RGS8: variants seen among roughly 807,000 people sequenced by gnomAD.
The protein encoded by RGS8 is regulator of G-protein signaling 8.
Under a neutral mutation model 21.7 loss-of-function variants are expected in RGS8, and 8 were observed. The observed-to-expected ratio is 0.37, with a 90% confidence interval of 0.22 to 0.66. The LOEUF (loss-of-function observed/expected upper bound fraction) is 0.66, where lower values mean the gene tolerates loss of function less well. RGS8 is among the 30% of genes least tolerant of loss of function. The pLI is 0.59. For missense variants in RGS8, 157 were observed against 217.9 expected (o/e 0.72, Z 1.76); for synonymous variants, 80 against 83.6 (o/e 0.96, Z 0.24).
At chr1:182,681,168 G>A (rs1664523850) in intron 1 of RGS8, among the ~76,000 whole-genome samples, 2 of 152,198 alleles carry the variant, frequency 1.3e-5, no homozygotes, top group African/African-American at 4.8e-5. Context: ...GAGGTGTGGA[G>A]GCTGCATGGA....
At chr1:182,728,621 A>C in the RGS8 span, among the ~76,000 whole-genome samples, 4 of 152,206 alleles carry the variant, frequency 2.6e-5, no homozygotes, top group Non-Finnish European at 5.9e-5. Flanking sequence ...TGATGGACCC[A>C]AAAAAAGAGA....
chr1:182,731,176 G>C, the RGS8 span, among the ~76,000 whole-genome samples: 2 of 152,144 alleles, frequency 1.3e-5, no homozygotes, highest in East Asian at 1.9e-4. Flanking sequence ...ACTTTCCAAC[G>C]TTCAGCAAAG....
At chr1:182,697,895 T>TA in the RGS8 span, among the ~76,000 whole-genome samples, 2 of 152,192 alleles carry the variant, frequency 1.3e-5, no homozygotes, top group Non-Finnish European at 2.9e-5. Flanking sequence ...ATTGAGTGCT[T>TA]ACTAGAATGA....
chr1:182,713,480 G>A, the RGS8 span, among the ~76,000 whole-genome samples: 11 of 152,090 alleles, frequency 7.2e-5, no homozygotes, highest in African/African-American at 1.9e-4. Context: ...CACCACGCCC[G>A]GCCTCTCTTT....
chr1:182,729,260 G>A, the RGS8 span, among the ~76,000 whole-genome samples: 3 of 152,174 alleles, frequency 2.0e-5, no homozygotes, highest in Non-Finnish European at 4.4e-5. Flanking sequence ...GAACACCTCG[G>A]GATGAGTGGG....
chr1:182,654,405 G>A (rs1180485521), intron 5 of RGS8, among the ~76,000 whole-genome samples: 1 of 152,204 alleles, frequency 6.6e-6, no homozygotes, highest in African/African-American at 2.4e-5. Context: ...GAGAAAAACA[G>A]CAAGAAAAGG....
chr1:182,738,688 T>C, the RGS8 span, among the ~76,000 whole-genome samples: 5 of 152,118 alleles, frequency 3.3e-5, no homozygotes, highest in African/African-American at 1.2e-4. Flanking sequence ...CAAAACAAAA[T>C]TATTTTAGCT....
chr1:182,740,548 G>GTTTTTT, the RGS8 span, among the ~76,000 whole-genome samples: 20 of 75,966 alleles, frequency 2.6e-4, no homozygotes, highest in South Asian at 4.4e-4. Context: ...TTGTTTGTTT[G>GTTTTTT]TTTTTTTTTT....
intron 3 of RGS8, 132 bp from the exon 5 acceptor site, chr1:182,667,105 A>C: frequency 1.4e-6 from 1 of 701,268 alleles, no homozygotes; most frequent in African/African-American, 1.7e-5. Flanking sequence ...GTCTCTGAAG[A>C]CTTCATGAAC....
the RGS8 span, among the ~76,000 whole-genome samples, chr1:182,699,813 G>C: frequency 6.6e-6 from 1 of 152,208 alleles, no homozygotes; most frequent in Non-Finnish European, 1.5e-5. Flanking sequence ...CAAAAGTTCT[G>C]GGATCTGCAG....
the RGS8 span, among the ~76,000 whole-genome samples, chr1:182,751,426 A>G: frequency 6.6e-6 from 1 of 152,224 alleles, no homozygotes; most frequent in African/African-American, 2.4e-5. Flanking sequence ...GGTCATGTAC[A>G]GTGTTTAATA....
At chr1:182,718,890 T>C in the RGS8 span, among the ~76,000 whole-genome samples, 1 of 152,222 alleles carries the variant, frequency 6.6e-6, no homozygotes, top group African/African-American at 2.4e-5. Flanking sequence ...CAAACATATG[T>C]ACATTCACAA....
the RGS8 span, among the ~76,000 whole-genome samples, chr1:182,751,522 A>G: frequency 1.2e-4 from 18 of 152,270 alleles, no homozygotes; most frequent in African/African-American, 4.1e-4. Context: ...GTGTGATTAA[A>G]AAGGGGTTCA....
intron 5 of RGS8, among the ~76,000 whole-genome samples, chr1:182,659,576 C>G (rs970025741): frequency 3.3e-5 from 5 of 152,020 alleles, no homozygotes; most frequent in African/African-American, 1.2e-4. Context: ...GCAGGCGCTT[C>G]TAATCCCAGC....
upstream of RGS8, among the ~76,000 whole-genome samples, chr1:182,677,913 C>T (rs1015393941): frequency 1.3e-5 from 2 of 152,154 alleles, no homozygotes; most frequent in Non-Finnish European, 2.9e-5. Flanking sequence ...ACAGTGCTGC[C>T]TCGCAGACAA....
the RGS8 span, among the ~76,000 whole-genome samples, chr1:182,719,461 CTT>C: frequency 5.0e-5 from 7 of 140,628 alleles, no homozygotes; most frequent in Non-Finnish European, 4.6e-5. Context: ...TTTCTTTCTT[CTT>C]TTTTTTTTTT....
upstream of RGS8, among the ~76,000 whole-genome samples, chr1:182,685,158 C>T (rs1302063857): frequency 6.6e-6 from 1 of 152,082 alleles, no homozygotes; most frequent in Non-Finnish European, 1.5e-5. Flanking sequence ...ATTTGTCACC[C>T]TCTGCTGCAA....
At chr1:182,718,775 A>G in the RGS8 span, among the ~76,000 whole-genome samples, 1 of 152,184 alleles carries the variant, frequency 6.6e-6, no homozygotes, top group Non-Finnish European at 1.5e-5. Flanking sequence ...TTGCTGTGAT[A>G]TGGCGTGCTT....
At chr1:182,735,296 AACGATAACTAAGGAAAAGTC>A in the RGS8 span, among the ~76,000 whole-genome samples, 1 of 152,238 alleles carries the variant, frequency 6.6e-6, no homozygotes, top group Non-Finnish European at 1.5e-5. Context: ...TATTATAATC[AACGATAACTAAGGAAAAGTC>A]ACTGCCATTT....
Sources: gnomAD v4.1 joint callset for allele counts (sites outside exome capture counted in the v4.1 genomes callset) on GRCh38, gnomAD v4.1.1 for gene constraint, MANE v1.5 for transcripts, NCBI Gene and HGNC (gene_info 2026-07-23, HGNC 2026-07-21) for gene names.